Variants in EDAR observed in about 807,000 individuals in gnomAD.
EDAR encodes the protein ectodysplasin A receptor, also known as tumor necrosis factor receptor superfamily member EDAR.
EDAR carries 38 observed loss-of-function variants against 51.3 expected under a neutral mutation model. That is an observed-to-expected ratio of 0.74 (90% CI 0.57 to 0.97). EDAR has a LOEUF of 0.97. Among genes scored for constraint, EDAR ranks in the 50% least tolerant of loss-of-function variants. The pLI is 0.00. For synonymous variants in EDAR, 227 were observed against 242.1 expected (o/e 0.94, Z 0.58); for missense variants, 528 against 595.0 (o/e 0.89, Z 1.17).
At chr2:108,930,819 G>A in intron 2 of EDAR, 145 bp downstream of exon 2, 1 of 890,964 alleles carries the variant, frequency 1.1e-6, no homozygotes, top group Admixed American at 1.8e-5. Context: ...TGCTTTGCAG[G>A]CCTGGTTTCA....
At chr2:108,921,086 T>C (rs1697128804) in intron 5 of EDAR, among the ~76,000 whole-genome samples, 1 of 152,114 alleles carries the variant, frequency 6.6e-6, no homozygotes. Context: ...CCCAGGGTGC[T>C]CCCCTGCGAA....
chr2:108,925,269 A>G (rs1429373086), intron 4 of EDAR, among the ~76,000 whole-genome samples: 1 of 152,216 alleles, frequency 6.6e-6, no homozygotes, highest in Non-Finnish European at 1.5e-5. Flanking sequence ...AATGACACCA[A>G]GTTCTTCTCC....
At chr2:108,955,342 G>A (rs1697898391) in intron 1 of EDAR, among the ~76,000 whole-genome samples, 2 of 152,106 alleles carry the variant, frequency 1.3e-5, no homozygotes, top group Non-Finnish European at 2.9e-5. Flanking sequence ...TTCCAATTAT[G>A]GAAGAATTGT....
intron 3 of EDAR, among the ~76,000 whole-genome samples, chr2:108,929,786 C>T (rs1203827501): frequency 6.6e-6 from 1 of 152,162 alleles, no homozygotes; most frequent in Non-Finnish European, 1.5e-5. Flanking sequence ...AGATGCAGCA[C>T]TCAGGAAAAA....
chr2:108,943,037 A>G (rs555814733), intron 1 of EDAR, among the ~76,000 whole-genome samples: 1 of 152,324 alleles, frequency 6.6e-6, no homozygotes, highest in South Asian at 2.1e-4. Context: ...AGGGCTATAA[A>G]TAACCATTAC....
intron 4 of EDAR, among the ~76,000 whole-genome samples, chr2:108,926,230 G>A (rs2105438219): frequency 6.6e-6 from 1 of 152,252 alleles, no homozygotes; most frequent in Non-Finnish European, 1.5e-5. Context: ...GCTACAGAGT[G>A]TCCGGTCCCT....
chr2:108,937,027 C>T (rs904498427), intron 1 of EDAR, among the ~76,000 whole-genome samples: 3 of 152,196 alleles, frequency 2.0e-5, no homozygotes, highest in African/African-American at 7.2e-5. Context: ...AGTGCTGTGC[C>T]GGGGAACAGA....
chr2:108,949,129 C>T (rs1465428121), intron 1 of EDAR, among the ~76,000 whole-genome samples: 1 of 152,154 alleles, frequency 6.6e-6, no homozygotes, highest in East Asian at 1.9e-4. Context: ...AGGCTTGAAA[C>T]ACCATGCCTG....
chr2:108,920,536 C>G (rs747189252), intron 5 of EDAR, among the ~76,000 whole-genome samples: 2 of 152,088 alleles, frequency 1.3e-5, no homozygotes, highest in Non-Finnish European at 2.9e-5. Context: ...CTCTTTTCAC[C>G]GGGCTACAGG....
chr2:108,904,445 A>G lies in EDAR; in HGVS notation c.1024+1863T>C, dbSNP rs566457310. Among the ~76,000 whole-genome samples, 112 of 152,338 alleles carry G rather than the reference A, an allele frequency of 7.4e-4. 1 individual carries two copies. The highest frequency in any genetic ancestry group is 2.5e-3 in the African/African-American group (103 of 41,574). Reference sequence around the variant, plus strand: ...AACCATGCAACTATCATACAACCCAACAAATGTACTCCTGGGTCTTTATCC... The same window carrying G: ...AACCATGCAACTATCATACAACCCAGCAAATGTACTCCTGGGTCTTTATCC... On this transcript the variant is annotated intron_variant, in intron 11 of 11. Transcript: ENST00000258443.
At position 108,919,206 on chromosome 2, in the gene EDAR, C is replaced by G. The variant is rs575724749; in HGVS notation, c.442+4162G>C. Among the ~76,000 whole-genome samples the G allele has an allele frequency of 4.6e-5, 7 of 152,182 alleles. No homozygotes were observed. The South Asian group carries it at 1.2e-3, about 27-fold the overall frequency. ...AGTGTCACGGAAGAGCATCCGGGCA[C>G]AAGAGACGGAAACCACGGGAGTACG... On this transcript the variant is annotated intron_variant, in intron 5 of 11. Coordinates refer to ENST00000258443, the MANE Select transcript of EDAR (RefSeq NM_022336.4).
intron 1 of EDAR, among the ~76,000 whole-genome samples, chr2:108,971,513 T>C (rs1181532271): frequency 6.6e-6 from 1 of 151,832 alleles, no homozygotes; most frequent in Non-Finnish European, 1.5e-5. Flanking sequence ...ATCAGTCTTT[T>C]TGAAACTCCC....
At chr2:108,967,943 G>T (rs1392165149) in intron 1 of EDAR, among the ~76,000 whole-genome samples, 1 of 152,170 alleles carries the variant, frequency 6.6e-6, no homozygotes, top group Non-Finnish European at 1.5e-5. Context: ...TGCGGAGCTG[G>T]AGGGCCCCAG....
intron 1 of EDAR, among the ~76,000 whole-genome samples, chr2:108,940,022 C>T (rs370922378): frequency 1.0e-3 from 156 of 152,330 alleles, no homozygotes; most frequent in South Asian, 2.1e-3. Flanking sequence ...TTGAAAGACA[C>T]GCTACTAGAA....
At chr2:108,911,793 C>T (rs1256833007) in intron 6 of EDAR, among the ~76,000 whole-genome samples, 1 of 152,174 alleles carries the variant, frequency 6.6e-6, no homozygotes, top group Non-Finnish European at 1.5e-5. Context: ...TCTGAAGCTC[C>T]CAAATCATCT....
chr2:108,965,216 G>A (rs1698124829), intron 1 of EDAR, among the ~76,000 whole-genome samples: 2 of 152,192 alleles, frequency 1.3e-5, no homozygotes, highest in African/African-American at 4.8e-5. Context: ...GGTGGCTCAC[G>A]ACTGTAATCC....
In EDAR at chr2:108,908,029, CAA is replaced by C. The variant is rs750617010; in HGVS notation, c.804-12_804-11del. 9.3e-6 allele frequency: 15 copies of C among 1,605,650 alleles called. No individual in the cohort carries two copies. The South Asian group carries it at 1.7e-4, about 18-fold the overall frequency. ...TGAGGCATCGTTCTCGCTGCAAAAACAAGAGCGATGGTCATTAGCAGTGCCTG... is the reference window on the plus strand; with the variant it reads ...TGAGGCATCGTTCTCGCTGCAAAAACGAGCGATGGTCATTAGCAGTGCCTG... On this transcript the variant is annotated splice_polypyrimidine_tract_variant and intron_variant, in intron 9 of 11. Coordinates refer to ENST00000258443, the MANE Select transcript of EDAR (RefSeq NM_022336.4).
In EDAR at chr2:108,923,318, G is replaced by A. The variant is rs3749107; in HGVS notation, c.442+50C>T. On this transcript the variant is annotated intron_variant, in intron 5 of 11. Coordinates refer to ENST00000258443, the MANE Select transcript of EDAR (RefSeq NM_022336.4). ...TTTCCTACACCCTCTGTAGTGAAAG[G>A]GATCCGTGCTGAACAAATACCGTGC... is the stretch of plus-strand genomic sequence containing the variant. 0.079 allele frequency: 123,627 copies of A among 1,560,932 alleles called. 6,041 individuals carry two copies. The highest frequency in any genetic ancestry group is 0.18 in the African/African-American group (13,365 of 73,858).
intron 10 of EDAR, among the ~76,000 whole-genome samples, 154 bp downstream of exon 10, chr2:108,907,706 G>T (rs761966683): frequency 2.6e-5 from 4 of 151,720 alleles, no homozygotes; most frequent in East Asian, 1.9e-4. Flanking sequence ...TGACTATCTT[G>T]CTGTGAACTT....
Sources: allele counts gnomAD v4.1 joint callset (sites outside exome capture counted in the v4.1 genomes callset), GRCh38; gene constraint gnomAD v4.1.1; transcripts MANE v1.5; gene names NCBI Gene and HGNC (gene_info 2026-07-23, HGNC 2026-07-21).